GPD1L: variants seen among roughly 807,000 people sequenced by gnomAD.
The protein encoded by GPD1L is glycerol-3-phosphate dehydrogenase 1-like protein.
In GPD1L, 17 loss-of-function variants were observed where a neutral mutation model predicts 32.9. The ratio of observed to expected loss-of-function variants is 0.52; its 90% confidence interval spans 0.35 to 0.78. The LOEUF (loss-of-function observed/expected upper bound fraction) is 0.78. GPD1L is among the 30% of genes least tolerant of loss of function. The pLI is 0.01. For missense variants in GPD1L, 361 were observed against 447.8 expected (o/e 0.81, Z 1.75); for synonymous variants, 187 against 165.9 (o/e 1.13, Z -0.98).
At chr3:32,127,830 C>G (rs1343687178) in intron 1 of GPD1L, among the ~76,000 whole-genome samples, 1 of 152,134 alleles carries the variant, frequency 6.6e-6, no homozygotes, top group Non-Finnish European at 1.5e-5. Context: ...TTGATTCTTA[C>G]TAGTTTCAAG....
At chr3:32,137,284 C>T (rs992509161) in intron 2 of GPD1L, among the ~76,000 whole-genome samples, 1 of 152,184 alleles carries the variant, frequency 6.6e-6, no homozygotes, top group Non-Finnish European at 1.5e-5. Flanking sequence ...GTGGTCTAAG[C>T]AAGGTAAATG....
In GPD1L at chr3:32,106,830, C is replaced by T. The variant is rs914447985; in HGVS notation, c.47+72C>T. ...CCTCTCCCGGGCGGTGAGGGCTGCG[C>T]GCCCCATGCTGCGGCGTGGGCACCG... On this transcript the variant is annotated intron_variant, in intron 1 of 7. Transcript: ENST00000282541. The surrounding 1 kb of genome is among the most constrained non-coding windows in gnomAD (Gnocchi z 4.0). 1.4e-5 allele frequency: 20 copies of T among 1,405,456 alleles called. No homozygotes were observed. The African/African-American group carries it at 3.0e-4, about 21-fold the overall frequency. 87.1% of individuals were successfully genotyped at this position (1,405,456 alleles called of 1,614,324 possible).
intron 1 of GPD1L, among the ~76,000 whole-genome samples, chr3:32,123,529 G>A (rs1230991766): frequency 1.3e-5 from 2 of 152,010 alleles, no homozygotes; most frequent in Admixed American, 6.6e-5. Flanking sequence ...CTCACTTTGG[G>A]AAGCACTGGA....
At chr3:32,145,960 T>A (rs1192603378) in intron 4 of GPD1L, among the ~76,000 whole-genome samples, 1 of 152,118 alleles carries the variant, frequency 6.6e-6, no homozygotes, top group Non-Finnish European at 1.5e-5. Context: ...TAGAAATGAT[T>A]AACTCCTGGC....
intron 7 of GPD1L, 147 bp from the exon 8 acceptor site, chr3:32,165,667 C>A: frequency 1.4e-6 from 1 of 691,128 alleles, no homozygotes; most frequent in South Asian, 1.6e-5. Flanking sequence ...TCTCTGCAGA[C>A]CAAATAATAA....
intron 6 of GPD1L, 64 bp downstream of exon 6, chr3:32,159,173 A>T: frequency 8.2e-7 from 1 of 1,214,502 alleles, no homozygotes. Flanking sequence ...GCTTGGGGTG[A>T]ACTGCAGCCC....
chr3:32,120,135 T>G (rs1048116910), intron 1 of GPD1L, among the ~76,000 whole-genome samples: 1 of 152,016 alleles, frequency 6.6e-6, no homozygotes, highest in African/African-American at 2.4e-5. Context: ...CCAGCCAACA[T>G]GGTGAAACCC....
At chr3:32,121,457 C>CTATATATATTTCTCTA (rs1559570372) in intron 1 of GPD1L, among the ~76,000 whole-genome samples, 2 of 36,922 alleles carry the variant, frequency 5.4e-5, no homozygotes, top group African/African-American at 1.5e-4. Context: ...ATATTTCTCT[C>CTATATATATTTCTCTA]TATATATATT....
intron 1 of GPD1L, among the ~76,000 whole-genome samples, chr3:32,111,247 G>A (rs1012551952): frequency 2.0e-5 from 3 of 152,196 alleles, no homozygotes; most frequent in African/African-American, 7.2e-5. Flanking sequence ...TAAAACCTCA[G>A]GGCTGTATTT....
At chr3:32,119,769 A>G (rs1239313848) in intron 1 of GPD1L, among the ~76,000 whole-genome samples, 2 of 152,184 alleles carry the variant, frequency 1.3e-5, no homozygotes, top group African/African-American at 2.4e-5. Context: ...TAAACCACAA[A>G]GGACCACGCT....
intron 1 of GPD1L, among the ~76,000 whole-genome samples, chr3:32,111,811 C>CT (rs1269414620): frequency 2.7e-5 from 4 of 150,578 alleles, no homozygotes; most frequent in Non-Finnish European, 4.4e-5. Context: ...ACCTGTGACT[C>CT]TGTCTTTTTT....
At chr3:32,163,091 T>G (rs1385134412) in intron 7 of GPD1L, among the ~76,000 whole-genome samples, 3 of 151,868 alleles carry the variant, frequency 2.0e-5, no homozygotes, top group Non-Finnish European at 4.4e-5. Flanking sequence ...ATCCCTGCAC[T>G]TAGTCTGAAG....
At chr3:32,125,785 G>T (rs1248844956) in intron 1 of GPD1L, among the ~76,000 whole-genome samples, 1 of 146,866 alleles carries the variant, frequency 6.8e-6, no homozygotes, top group African/African-American at 2.7e-5. Flanking sequence ...CCACCATCTG[G>T]CCCAATGCAT....
intron 1 of GPD1L, among the ~76,000 whole-genome samples, chr3:32,116,004 G>T (rs974439576): frequency 6.6e-6 from 1 of 151,800 alleles, no homozygotes; most frequent in Admixed American, 6.6e-5. Context: ...TAGCCAGGAT[G>T]GTCTCGATCT....
intron 5 of GPD1L, among the ~76,000 whole-genome samples, chr3:32,154,219 T>C (rs1700957837): frequency 6.6e-6 from 1 of 152,032 alleles, no homozygotes; most frequent in African/African-American, 2.4e-5. Flanking sequence ...CTGCACTAGG[T>C]CTCCTGATCT....
At chr3:32,125,809 T>C (rs1034273871) in intron 1 of GPD1L, among the ~76,000 whole-genome samples, 1 of 152,174 alleles carries the variant, frequency 6.6e-6, no homozygotes, top group Admixed American at 6.5e-5. Context: ...GCATAGTAGG[T>C]GCTCAGTAAA....
At position 32,106,933 on chromosome 3, in the gene GPD1L, G is replaced by C. The variant is rs1171984649; in HGVS notation, c.47+175G>C. 6.2e-6 allele frequency: 3 copies of C among 486,584 alleles called. No homozygotes were observed. The highest frequency in any genetic ancestry group is 2.0e-5 in the African/African-American group (1 of 49,628). The allele number at this position is 486,584 out of a possible 1,614,324, so 30.1% of individuals were successfully genotyped here. A position where few individuals can be genotyped will look rare whatever the true frequency, so the allele number is the denominator to read the frequency against. On this transcript the variant is annotated intron_variant, in intron 1 of 7. Transcript: ENST00000282541. The surrounding 1 kb of genome is among the most constrained non-coding windows in gnomAD (Gnocchi z 4.0). The stretch of plus-strand genomic sequence containing the variant: ...CGTGCGCCCGAGGAGGCCGCACCGG[G>C]GCACTCGCTCGGGAGGCGCTGGGCT...
At chr3:32,109,943 A>G (rs555896477) in intron 1 of GPD1L, among the ~76,000 whole-genome samples, 9 of 152,390 alleles carry the variant, frequency 5.9e-5, no homozygotes, top group Admixed American at 1.3e-4. Context: ...CTTGAGACGG[A>G]GTCTCGCTCT....
chr3:32,162,776 C>G (rs1053720680), intron 7 of GPD1L, among the ~76,000 whole-genome samples: 1 of 152,088 alleles, frequency 6.6e-6, no homozygotes, highest in African/African-American at 2.4e-5. Flanking sequence ...GTGCATGTTG[C>G]AAGCTCCTGG....
Sources: gnomAD v4.1 joint callset for allele counts (sites outside exome capture counted in the v4.1 genomes callset) on GRCh38, gnomAD v4.1.1 for gene constraint, Gnocchi (gnomAD v3.1) non-coding constraint, MANE v1.5 for transcripts, NCBI Gene and HGNC (gene_info 2026-07-23, HGNC 2026-07-21) for gene names.